The following AK3 variants were observed in gnomAD, a reference collection of about 807,000 sequenced individuals.
AK3 encodes the protein adenylate kinase 3, also known as GTP:AMP phosphotransferase AK3, mitochondrial.
Under a neutral mutation model 23.7 loss-of-function variants are expected in AK3, and 27 were observed. The observed-to-expected ratio is 1.14, with a 90% CI of 0.84 to 1.57. The LOEUF (loss-of-function observed/expected upper bound fraction) is 1.57. AK3 is among the 40% of genes most tolerant of loss of function. The pLI, the probability that AK3 is intolerant of heterozygous loss-of-function variation, is 0.00. For missense variants in AK3, 406 were observed against 285.6 expected (o/e 1.42, Z -3.04); for synonymous variants, 159 against 116.0 (o/e 1.37, Z -2.38).
chr9:4,728,764 G>C (rs1199346787), intron 1 of AK3, among the ~76,000 whole-genome samples: 1 of 149,746 alleles, frequency 6.7e-6, no homozygotes, highest in Non-Finnish European at 1.5e-5. Flanking sequence ...GGGAGGCCAA[G>C]GAAGGAGTTT....
rs915134432 is a variant in AK3, at chr9:4,740,205, G to A, written c.151+732C>T. ...CATTTTTTGAGAAAAAAACTCCTGC[G>A]ATTGGCTTTTCAAAAACAACCCTCT... is the stretch of plus-strand genomic sequence containing the variant. On this transcript the variant is annotated intron_variant, in intron 1 of 4. Coordinates refer to ENST00000381809, the MANE Select transcript of AK3 (RefSeq NM_016282.4). 7.2e-5 allele frequency among the ~76,000 whole-genome samples: 11 copies of A among 152,044 alleles called. No individual in the cohort carries two copies. The East Asian group carries it at 1.3e-3, about 19-fold the overall frequency.
chr9:4,736,055 C>T (rs1842285098), intron 1 of AK3, among the ~76,000 whole-genome samples: 1 of 145,164 alleles, frequency 6.9e-6, no homozygotes. Context: ...GCGGAGGTTA[C>T]AGTGAGCCGA....
intron 1 of AK3, among the ~76,000 whole-genome samples, chr9:4,736,856 T>G (rs1246081751): frequency 1.3e-5 from 2 of 152,150 alleles, no homozygotes; most frequent in Non-Finnish European, 2.9e-5. Flanking sequence ...GTTTTTATCT[T>G]TTGTAGAGAC....
intron 1 of AK3, among the ~76,000 whole-genome samples, chr9:4,739,151 G>C (rs382481): frequency 6.6e-6 from 1 of 152,066 alleles, no homozygotes; most frequent in South Asian, 2.1e-4. Flanking sequence ...AACTACTTCA[G>C]TATGTCGCAT....
upstream of AK3, chr9:4,741,273 G>T: frequency 1.8e-6 from 1 of 540,818 alleles, no homozygotes. Flanking sequence ...GGACCCCGCT[G>T]TTGCGTCCGC....
At chr9:4,731,139 T>C (rs187335135) in intron 1 of AK3, among the ~76,000 whole-genome samples, 5 of 152,346 alleles carry the variant, frequency 3.3e-5, no homozygotes, top group Non-Finnish European at 7.3e-5. Flanking sequence ...CTATTATAAT[T>C]TCAGGGATAT....
chr9:4,741,436 C>G (rs1842433798), upstream of AK3: 1 of 223,890 alleles, frequency 4.5e-6, no homozygotes, highest in South Asian at 1.6e-4. Flanking sequence ...GGCCGCTGGG[C>G]CCGGATCCCT....
intron 1 of AK3, 125 bp downstream of exon 1, chr9:4,740,812 C>T (rs1371936318): frequency 8.2e-7 from 1 of 1,223,536 alleles, no homozygotes; most frequent in Non-Finnish European, 1.1e-6. Flanking sequence ...AGGTCTCTGT[C>T]CCGGGCGGCG....
Position 4,722,637 on chromosome 9 carries a change from C to A in AK3, c.152-12G>T, listed in dbSNP as rs202157194. The A allele has an allele frequency of 3.7e-6, 6 of 1,613,468 alleles. No homozygotes were observed. The highest frequency in any genetic ancestry group is 4.2e-6 in the Non-Finnish European group (5 of 1,179,842). On this transcript the variant is annotated splice_polypyrimidine_tract_variant and intron_variant, in intron 1 of 4. Transcript: ENST00000381809. ...TAACACGCCAATTTCTACAGCAAAG[C>A]GGGGAAAAAAATCAGTAAGTGCATT...
chr9:4,716,642 T>C (rs766028858), intron 4 of AK3, among the ~76,000 whole-genome samples: 3 of 152,138 alleles, frequency 2.0e-5, no homozygotes, highest in Non-Finnish European at 4.4e-5. Flanking sequence ...ATTAAGATGG[T>C]TTGAAAGGCC....
chr9:4,723,139 A>C (rs984153845), intron 1 of AK3, among the ~76,000 whole-genome samples: 15 of 152,266 alleles, frequency 9.9e-5, no homozygotes, highest in African/African-American at 3.4e-4. Flanking sequence ...GGAAAAATAT[A>C]TAAATGTAAA....
At chr9:4,715,919 A>G (rs942419715) in intron 4 of AK3, among the ~76,000 whole-genome samples, 4 of 152,162 alleles carry the variant, frequency 2.6e-5, no homozygotes, top group Admixed American at 2.6e-4. Flanking sequence ...AAGGATGGAC[A>G]TGATCAGAGC....
intron 2 of AK3, 56 bp from the exon 3 acceptor site, chr9:4,719,363 G>T: frequency 1.1e-6 from 1 of 906,432 alleles, no homozygotes; most frequent in Non-Finnish European, 1.6e-6. Flanking sequence ...TATGGGGTGG[G>T]GGTGGGGCGG....
Position 4,740,972 on chromosome 9 carries a change from CCGCT to C in AK3, c.112_115del (p.Ser38GlyfsTer17), listed in dbSNP as rs780396403. 4 of 1,586,406 alleles carry C rather than the reference CCGCT, an allele frequency of 2.5e-6. No homozygotes were observed. The highest frequency in any genetic ancestry group is 3.4e-6 in the Non-Finnish European group (4 of 1,168,628). ...CAGCATGTTGTCCCGGAGCAGGTCC[CCGCT>C]GGAGAGGTGCTTCAGCTCGAAGTGT... On this transcript the variant is annotated frameshift_variant, in exon 1 of 5. Coordinates refer to ENST00000381809, the MANE Select transcript of AK3 (RefSeq NM_016282.4). LOFTEE classifies it high-confidence loss of function.
chr9:4,715,279 CA>C (rs1354118148), intron 4 of AK3, among the ~76,000 whole-genome samples: 2 of 149,468 alleles, frequency 1.3e-5, no homozygotes, highest in Non-Finnish European at 3.0e-5. Flanking sequence ...GAATTAACAG[CA>C]AAAGGCAGCA....
rs1209363732 is a variant in AK3, at chr9:4,710,199, G to A, written c.*2777C>T. The A allele has an allele frequency of 1.3e-5, 2 of 152,016 alleles. No homozygotes were observed. The highest frequency in any genetic ancestry group is 6.6e-5 in the Admixed American group (1 of 15,246). 9.4% of individuals were successfully genotyped at this position (152,016 alleles called of 1,614,324 possible). ...TACTCTATAAAATAAATCAGTTGAG[G>A]TGCTGTTCTCCCTGGCTTTTTTTTT... On this transcript the variant is annotated 3_prime_UTR_variant, in exon 5 of 5. Transcript: ENST00000381809.
chr9:4,740,249 C>G (rs1010901821), intron 1 of AK3, among the ~76,000 whole-genome samples: 3 of 152,144 alleles, frequency 2.0e-5, no homozygotes, highest in Non-Finnish European at 1.5e-5. Context: ...AATTTACATA[C>G]CACAAATTCA....
chr9:4,721,191 C>T (rs1166344303), intron 2 of AK3, among the ~76,000 whole-genome samples: 2 of 151,998 alleles, frequency 1.3e-5, no homozygotes, highest in East Asian at 1.9e-4. Flanking sequence ...TCACTTGAGG[C>T]CAGGAGTTTG....
chr9:4,732,300 C>T (rs1842173063), intron 1 of AK3, among the ~76,000 whole-genome samples: 2 of 152,074 alleles, frequency 1.3e-5, no homozygotes, highest in South Asian at 2.1e-4. Flanking sequence ...TATAAGAATA[C>T]AGTATACAAT....
Sources: gnomAD v4.1 joint callset for allele counts (sites outside exome capture counted in the v4.1 genomes callset) on GRCh38, gnomAD v4.1.1 for gene constraint, MANE v1.5 for transcripts, NCBI Gene and HGNC (gene_info 2026-07-23, HGNC 2026-07-21) for gene names.